BMPR1A: variants seen among roughly 807,000 people sequenced by gnomAD.
BMPR1A encodes bone morphogenetic protein receptor type-1A.
BMPR1A carries 7 observed loss-of-function variants against 66.0 expected under a neutral mutation model. The observed-to-expected ratio is 0.11, with a 90% CI of 0.06 to 0.20. BMPR1A has a LOEUF of 0.20. BMPR1A is among the 10% of genes least tolerant of loss of function. The pLI, the probability that BMPR1A is intolerant of heterozygous loss-of-function variation, is 1.00. For missense variants in BMPR1A, 408 were observed against 669.1 expected, an observed-to-expected ratio of 0.61 and a Z score of 4.31; for synonymous variants, 200 against 229.7, an observed-to-expected ratio of 0.87 and a Z score of 1.17.
chr10:86,868,550 A>C (rs1426450830), intron 2 of BMPR1A, among the ~76,000 whole-genome samples: 5 of 152,248 alleles, frequency 3.3e-5, no homozygotes, highest in Admixed American at 3.3e-4. Context: ...ATTCCTTCTC[A>C]GAAAGCTTGT....
At chr10:86,911,290 C>G (rs967028834) in intron 7 of BMPR1A, among the ~76,000 whole-genome samples, 1 of 151,146 alleles carries the variant, frequency 6.6e-6, no homozygotes, top group African/African-American at 2.4e-5. Flanking sequence ...AATTTAAAAA[C>G]TGACATAAAA....
intron 1 of BMPR1A, among the ~76,000 whole-genome samples, chr10:86,778,530 T>C (rs1224487962): frequency 1.3e-5 from 2 of 152,208 alleles, no homozygotes; most frequent in African/African-American, 2.4e-5. Flanking sequence ...ATACCCCTAC[T>C]GTACAGTGAT....
chr10:86,766,088 G>A (rs1422438225), intron 1 of BMPR1A, among the ~76,000 whole-genome samples: 1 of 149,518 alleles, frequency 6.7e-6, no homozygotes, highest in African/African-American at 2.4e-5. Flanking sequence ...CTGGGCTCAA[G>A]CAATCCTCCC....
At chr10:86,795,832 C>T (rs1437640051) in intron 1 of BMPR1A, among the ~76,000 whole-genome samples, 1 of 151,872 alleles carries the variant, frequency 6.6e-6, no homozygotes, top group African/African-American at 2.4e-5. Context: ...AAAATATTTT[C>T]TTTGAGAGCT....
At chr10:86,823,882 G>A (rs1290079717) in intron 1 of BMPR1A, among the ~76,000 whole-genome samples, 3 of 152,310 alleles carry the variant, frequency 2.0e-5, no homozygotes, top group African/African-American at 7.2e-5. Context: ...CACCTGTGAA[G>A]CAGTAAACGT....
At chr10:86,863,325 G>T (rs1025123024) in intron 2 of BMPR1A, among the ~76,000 whole-genome samples, 7 of 152,236 alleles carry the variant, frequency 4.6e-5, no homozygotes, top group Admixed American at 2.0e-4. Context: ...TTTCTTTTCA[G>T]ATGTTATCAA....
At chr10:86,880,006 T>C (rs1294498256) in intron 3 of BMPR1A, among the ~76,000 whole-genome samples, 3 of 152,238 alleles carry the variant, frequency 2.0e-5, no homozygotes, top group African/African-American at 4.8e-5. Flanking sequence ...TGGTCACATC[T>C]GAGCTGGAAT....
intron 2 of BMPR1A, among the ~76,000 whole-genome samples, chr10:86,851,700 C>G (rs1842570666): frequency 6.6e-6 from 1 of 152,122 alleles, no homozygotes; most frequent in Admixed American, 6.6e-5. Context: ...AACGAAGACA[C>G]AAAAGCTGTG....
chr10:86,774,797 C>T (rs900957976), intron 1 of BMPR1A, among the ~76,000 whole-genome samples: 1 of 152,002 alleles, frequency 6.6e-6, no homozygotes, highest in Non-Finnish European at 1.5e-5. Flanking sequence ...GTCATTTACA[C>T]TAAATAAATC....
intron 2 of BMPR1A, among the ~76,000 whole-genome samples, chr10:86,839,301 GAGTTCAGCATGCAAGATT>G (rs1339780181): frequency 1.3e-5 from 2 of 152,152 alleles, no homozygotes; most frequent in Non-Finnish European, 2.9e-5. Context: ...TTGCAAAGCA[GAGTTCAGCATGCAAGATT>G]AGGCCAGGTG....
intron 7 of BMPR1A, among the ~76,000 whole-genome samples, chr10:86,902,910 C>G (rs1398655139): frequency 6.6e-6 from 1 of 152,130 alleles, no homozygotes; most frequent in Non-Finnish European, 1.5e-5. Context: ...TCTGTTCACA[C>G]CAGCTGTGAG....
chr10:86,902,068 C>T (rs1339599011), intron 7 of BMPR1A, among the ~76,000 whole-genome samples: 1 of 152,094 alleles, frequency 6.6e-6, no homozygotes. Flanking sequence ...CCATGTTGAC[C>T]AGGCTGGTCT....
intron 1 of BMPR1A, among the ~76,000 whole-genome samples, chr10:86,790,187 AAATATATATATATATATATATATATAT>A (rs1841588969): frequency 3.5e-5 from 1 of 28,462 alleles, no homozygotes; most frequent in African/African-American, 2.4e-4. Flanking sequence ...AAAAAAAAAA[AAATATATATATATATATATATATATAT>A]ATATATATAT....
At chr10:86,810,067 T>A (rs139993544) in intron 1 of BMPR1A, among the ~76,000 whole-genome samples, 22 of 152,016 alleles carry the variant, frequency 1.4e-4, no homozygotes, top group African/African-American at 4.6e-4. Flanking sequence ...GCCTCCCGGG[T>A]TCAAGCGATT....
chr10:86,852,385 T>C (rs777230161), intron 2 of BMPR1A, among the ~76,000 whole-genome samples: 1 of 151,724 alleles, frequency 6.6e-6, no homozygotes, highest in African/African-American at 2.4e-5. Flanking sequence ...CTGAGCAAAA[T>C]AGTGAGACCC....
intron 3 of BMPR1A, 136 bp from the exon 4 acceptor site, chr10:86,889,926 T>C (rs1014845063): frequency 2.1e-6 from 2 of 963,972 alleles, no homozygotes; most frequent in African/African-American, 3.3e-5. Context: ...ATGAATGAAA[T>C]TTATATTTCT....
At chr10:86,921,107 G>A (rs1657892947) in intron 10 of BMPR1A, among the ~76,000 whole-genome samples, 1 of 152,018 alleles carries the variant, frequency 6.6e-6, no homozygotes, top group Non-Finnish European at 1.5e-5. Context: ...GCCCGCCTTG[G>A]CCTCCCAAAG....
chr10:86,921,952 A>G (rs549858610), intron 11 of BMPR1A, among the ~76,000 whole-genome samples: 12 of 152,160 alleles, frequency 7.9e-5, no homozygotes, highest in African/African-American at 2.9e-4. Flanking sequence ...TAAGTGTACA[A>G]TTAAATTATT....
intron 1 of BMPR1A, among the ~76,000 whole-genome samples, chr10:86,764,122 T>C (rs1428043545): frequency 6.6e-6 from 1 of 152,200 alleles, no homozygotes; most frequent in East Asian, 1.9e-4. Flanking sequence ...GTTTTATGTA[T>C]ATTAAGATTT....
Sources: gnomAD v4.1 joint callset for allele counts (sites outside exome capture counted in the v4.1 genomes callset) on GRCh38, gnomAD v4.1.1 for gene constraint, MANE v1.5 for transcripts, NCBI Gene and HGNC (gene_info 2026-07-23, HGNC 2026-07-21) for gene names.